CFAP100: variants seen among roughly 807,000 people sequenced by gnomAD.
CFAP100 encodes the protein cilia- and flagella-associated protein 100.
In CFAP100, 70 loss-of-function variants were observed where a neutral mutation model predicts 81.5. That is an observed-to-expected ratio of 0.86 (90% CI 0.71 to 1.05). The LOEUF (loss-of-function observed/expected upper bound fraction) is 1.05. Among genes scored for constraint, CFAP100 ranks in the 50% least tolerant of loss-of-function variants. CFAP100 has a pLI of 0.00. For missense variants in CFAP100, 811 were observed against 776.5 expected (o/e 1.04, Z -0.53); for synonymous variants, 341 against 314.8 (o/e 1.08, Z -0.88).
intron 2 of CFAP100, 48 bp from the exon 3 acceptor site, chr3:126,407,124 T>A: frequency 7.4e-7 from 1 of 1,353,596 alleles, no homozygotes; most frequent in Non-Finnish European, 1.1e-6. Flanking sequence ...ACAGTTCTCA[T>A]GGGCCAGGGG....
chr3:126,400,062 C>T (rs371240298), intron 2 of CFAP100, among the ~76,000 whole-genome samples: 144 of 152,286 alleles, frequency 9.5e-4, no homozygotes, highest in African/African-American at 3.4e-3. Context: ...TTCCCCAACC[C>T]CTCCACTCTT....
rs111544294 is a variant in CFAP100, at chr3:126,404,042, G to A, written c.50-3130G>A. On this transcript the variant is annotated intron_variant, in intron 2 of 16. Transcript: ENST00000352312. The stretch of plus-strand genomic sequence containing the variant: ...TAATAGATGAAGGTTCTCAAGAATC[G>A]TCTAGAAACTAGAACATTTCAGTAG... 5.6e-3 allele frequency among the ~76,000 whole-genome samples: 856 copies of A among 152,290 alleles called. 5 individuals are homozygous for A. Among genetic ancestry groups the A allele is most frequent in the African/African-American group, 0.019 (793 of 41,572 alleles).
At chr3:126,408,883 G>A (rs755963719) in intron 3 of CFAP100, among the ~76,000 whole-genome samples, 4 of 152,140 alleles carry the variant, frequency 2.6e-5, no homozygotes, top group African/African-American at 4.8e-5. Context: ...CAACCTCCTG[G>A]GTTTAAGCGA....
Position 126,436,493 on chromosome 3 carries a change from A to C in CFAP100, c.*89A>C. The C allele has an allele frequency of 5.6e-6, 5 of 890,598 alleles. No homozygotes were observed. Among genetic ancestry groups the C allele is most frequent in the Non-Finnish European group, 5.4e-6 (3 of 552,256 alleles). 55.2% of individuals were successfully genotyped at this position (890,598 alleles called of 1,614,324 possible). ...ACTGGGCTGGGTCTCGAGTGGCCCA[A>C]CTGAGTCCTCTCTGTCTCCTGTGTG... On this transcript the variant is annotated 3_prime_UTR_variant, in exon 17 of 17. Coordinates refer to ENST00000352312, the MANE Select transcript of CFAP100 (RefSeq NM_182628.3).
At position 126,425,598 on chromosome 3, in the gene CFAP100, T is replaced by C. The variant is rs143192687; in HGVS notation, c.1286+1954T>C. Among the ~76,000 whole-genome samples, 17 of 152,126 alleles carry C rather than the reference T, an allele frequency of 1.1e-4. 1 individual carries two copies. The highest frequency in any genetic ancestry group is 3.6e-4 in the African/African-American group (15 of 41,496). On this transcript the variant is annotated intron_variant, in intron 13 of 16. Coordinates refer to ENST00000352312, the MANE Select transcript of CFAP100 (RefSeq NM_182628.3). ...GCCAGTATGACCCTAATACCAAAACTAGACAAAGGCATTACAAGAAAGGAA... is the reference window on the plus strand; with the variant it reads ...GCCAGTATGACCCTAATACCAAAACCAGACAAAGGCATTACAAGAAAGGAA...
intron 11 of CFAP100, among the ~76,000 whole-genome samples, chr3:126,422,313 G>A (rs16837452): frequency 0.22 from 32,984 of 152,220 alleles, 3,661 homozygotes; most frequent in East Asian, 0.36. Context: ...AGTGTGAGGC[G>A]TGGGTCTGGC....
chr3:126,436,380 G>A lies in CFAP100; in HGVS notation c.1812G>A (p.Glu604=), dbSNP rs754890369. ...SEHTLMDKEE[E]ELLFFFT ...ACACACTGATGGACAAGGAGGAGGA[G>A]GAGCTGCTATTTTTCTTTACTTAAT... The change falls in exon 17 of 17, where the codon GAG becomes GAA. Residue 604 remains glutamate, a synonymous_variant. Transcript: ENST00000352312. 1 of 1,614,036 alleles carries A rather than the reference G, an allele frequency of 6.2e-7. No homozygotes were observed. Among genetic ancestry groups the A allele is most frequent in the Non-Finnish European group, 8.5e-7 (1 of 1,179,910 alleles).
chr3:126,434,932 A>G (rs1933383465), intron 15 of CFAP100, among the ~76,000 whole-genome samples: 1 of 152,146 alleles, frequency 6.6e-6, no homozygotes, highest in Non-Finnish European at 1.5e-5. Flanking sequence ...GCAGATGGGC[A>G]GCAGCTTGCT....
rs191473690 is a variant in CFAP100 at position 126,406,936 on chromosome 3, C to T, written c.50-236C>T. 1.6e-4 allele frequency among the ~76,000 whole-genome samples: 24 copies of T among 152,362 alleles called. No individual in the cohort carries two copies. In the East Asian group the frequency reaches 4.4e-3, roughly 28 times the overall value. ...AGGATGGGAAAGGGGAGGCACAAAA[C>T]ATCCGTGCACCAGGCACAGGTGCCA... On this transcript the variant is annotated intron_variant, in intron 2 of 16. Transcript: ENST00000352312.
At position 126,434,269 on chromosome 3, in the gene CFAP100, A is replaced by G. The variant is rs1560083039; in HGVS notation, c.1516A>G (p.Met506Val). The G allele has an allele frequency of 1.2e-6, 2 of 1,614,064 alleles. No homozygotes were observed. The highest frequency in any genetic ancestry group is 2.7e-5 in the African/African-American group (2 of 75,060). Residue 506 changes from methionine to valine, a missense_variant, in exon 15 of 17, where the codon ATG becomes GTG. Met to Val is a conservative substitution (Grantham distance 21, BLOSUM62 1). Coordinates refer to ENST00000352312, the MANE Select transcript of CFAP100 (RefSeq NM_182628.3). ...GGAGGCCAACCTGGGCACCGTGCAG[A>G]TGCTGACCATCATTGAGCACCAGCT... ...QQEANLGTVQ[M>V]LTIIEHQLDE...
intron 15 of CFAP100, chr3:126,434,625 G>A: frequency 1.9e-6 from 1 of 518,236 alleles, no homozygotes; most frequent in Non-Finnish European, 3.5e-6. Flanking sequence ...CTCAGGGAGG[G>A]ACAGGGTCTA....
At chr3:126,434,089 G>C in intron 14 of CFAP100, 87 bp from the exon 15 acceptor site, 2 of 1,183,212 alleles carry the variant, frequency 1.7e-6, no homozygotes, top group Non-Finnish European at 2.4e-6. Context: ...CCCCACCCTG[G>C]GAGGTCAGCA....
intron 1 of CFAP100, among the ~76,000 whole-genome samples, chr3:126,395,737 T>C (rs1224570457): frequency 1.3e-5 from 2 of 152,146 alleles, no homozygotes; most frequent in Non-Finnish European, 2.9e-5. Context: ...GAGGCCAAGA[T>C]TGATGTGTTC....
At chr3:126,424,659 C>T (rs993755307) in intron 13 of CFAP100, among the ~76,000 whole-genome samples, 2 of 152,270 alleles carry the variant, frequency 1.3e-5, no homozygotes, top group East Asian at 1.9e-4. Flanking sequence ...AAGGATAAAG[C>T]AAGGCCCTGC....
chr3:126,397,873 C>G (rs565867952), intron 2 of CFAP100, among the ~76,000 whole-genome samples: 2 of 152,244 alleles, frequency 1.3e-5, no homozygotes, highest in Admixed American at 1.3e-4. Flanking sequence ...AGGACCCCCC[C>G]TCAACCAGAG....
At chr3:126,429,408 T>G (rs1019036414) in intron 13 of CFAP100, among the ~76,000 whole-genome samples, 3 of 152,196 alleles carry the variant, frequency 2.0e-5, no homozygotes, top group African/African-American at 7.2e-5. Context: ...TCTGATTTTA[T>G]GTTAATCTTC....
chr3:126,419,744 C>T lies in CFAP100; in HGVS notation c.839C>T (p.Ser280Leu), dbSNP rs138734441. 19 of 1,613,890 alleles carry T rather than the reference C, an allele frequency of 1.2e-5. No homozygotes were observed. The highest frequency in any genetic ancestry group is 8.3e-5 in the Admixed American group (5 of 60,008). ...CTTGAAGAACAGGAAAAGAAACACTCGTTTCTCAAAAAGGCCAAGGAGGTC... is the reference window on the plus strand; with the variant it reads ...CTTGAAGAACAGGAAAAGAAACACTTGTTTCTCAAAAAGGCCAAGGAGGTC... The part of the protein sequence containing the change: ...EWLEEQEKKH[S>L]FLKKAKEVSE... Residue 280 changes from serine (S) to leucine (L), a missense_variant, in exon 9 of 17, where the codon TCG (serine) becomes TTG (leucine). By Grantham distance (145) the Ser-to-Leu change is moderately radical (BLOSUM62 -2). Coordinates refer to ENST00000352312, the MANE Select transcript of CFAP100 (RefSeq NM_182628.3).
Position 126,434,383 on chromosome 3 carries a change from T to G in CFAP100, c.1628+2T>G. The G allele has an allele frequency of 6.2e-7, 1 of 1,611,432 alleles. No homozygotes were observed. The highest frequency in any genetic ancestry group is 8.5e-7 in the Non-Finnish European group (1 of 1,178,756). On this transcript the variant is annotated splice_donor_variant, in intron 15 of 16. Coordinates refer to ENST00000352312, the MANE Select transcript of CFAP100 (RefSeq NM_182628.3). LOFTEE classifies it high-confidence loss of function. ...AAAGGAGAAGGAGCGGCGCATCAGG[T>G]GAGCTCTAGGCTCTCCCTGCCAGCT...
At chr3:126,424,104 C>T (rs544147888) in intron 13 of CFAP100, among the ~76,000 whole-genome samples, 5 of 152,234 alleles carry the variant, frequency 3.3e-5, no homozygotes, top group Admixed American at 6.5e-5. Context: ...CGGGTGTTCG[C>T]GGCACAGAAC....
Sources: allele counts gnomAD v4.1 joint callset (sites outside exome capture counted in the v4.1 genomes callset), GRCh38; gene constraint gnomAD v4.1.1; transcripts MANE v1.5; gene names NCBI Gene and HGNC (gene_info 2026-07-23, HGNC 2026-07-21).